The following KAT2B variants were observed in gnomAD, a reference collection of about 807,000 sequenced individuals.
KAT2B encodes histone acetyltransferase KAT2B.
KAT2B carries 36 observed loss-of-function variants against 105.9 expected under a neutral mutation model. That is an observed-to-expected ratio of 0.34 (90% confidence interval 0.26 to 0.45). KAT2B has a LOEUF of 0.45. Ranked by LOEUF, KAT2B falls within the 20% of genes least tolerant of loss-of-function variation. KAT2B has a pLI of 1.00. For synonymous variants in KAT2B, 397 were observed against 377.9 expected (o/e 1.05, Z -0.59); for missense variants, 820 against 1,021.6 (o/e 0.80, Z 2.69).
At chr3:20,096,564 A>T (rs1038893663) in intron 3 of KAT2B, among the ~76,000 whole-genome samples, 1 of 152,258 alleles carries the variant, frequency 6.6e-6, no homozygotes, top group Non-Finnish European at 1.5e-5. Flanking sequence ...CTCAGAGCTT[A>T]TGGGTAGGAA....
intron 2 of KAT2B, among the ~76,000 whole-genome samples, chr3:20,074,413 A>C (rs1431294281): frequency 6.6e-6 from 1 of 152,148 alleles, no homozygotes; most frequent in African/African-American, 2.4e-5. Context: ...CCTGGACCTC[A>C]GTTTTTTCAA....
chr3:20,059,159 T>C (rs991972643), intron 1 of KAT2B, among the ~76,000 whole-genome samples: 1 of 152,142 alleles, frequency 6.6e-6, no homozygotes, highest in Non-Finnish European at 1.5e-5. Flanking sequence ...ACACCTGTAA[T>C]CCCAGCACTT....
intron 5 of KAT2B, among the ~76,000 whole-genome samples, chr3:20,108,512 T>C (rs1330619810): frequency 6.6e-6 from 1 of 152,222 alleles, no homozygotes; most frequent in Non-Finnish European, 1.5e-5. Context: ...ACAGTAGTCC[T>C]TTAAGATTAT....
intron 11 of KAT2B, among the ~76,000 whole-genome samples, chr3:20,135,128 A>C (rs141976867): frequency 1.4e-4 from 21 of 152,280 alleles, no homozygotes; most frequent in African/African-American, 4.6e-4. Flanking sequence ...GAAATAGTTC[A>C]TTTGTGTTTT....
chr3:20,128,323 C>T (rs1393381799), intron 11 of KAT2B, among the ~76,000 whole-genome samples: 1 of 152,216 alleles, frequency 6.6e-6, no homozygotes, highest in African/African-American at 2.4e-5. Context: ...AGGCAGCTTA[C>T]ACTTCAGAAA....
rs200876804 is a variant in KAT2B, at chr3:20,122,635, C to A, written c.1277-33C>A. 4.8e-5 allele frequency: 75 copies of A among 1,570,728 alleles called. 1 individual carries two copies. The South Asian group carries it at 5.8e-4, about 12-fold the overall frequency. ...ATTATTTGTTTTGTGTTTAGAACCACCCATTGTTTGCCTTTTATTTTGATC... is the reference window on the plus strand; with the variant it reads ...ATTATTTGTTTTGTGTTTAGAACCAACCATTGTTTGCCTTTTATTTTGATC... On this transcript the variant is annotated intron_variant, in intron 8 of 17. Transcript: ENST00000263754.
chr3:20,063,729 G>A (rs1698178877), intron 1 of KAT2B, among the ~76,000 whole-genome samples: 1 of 150,854 alleles, frequency 6.6e-6, no homozygotes, highest in Non-Finnish European at 1.5e-5. Flanking sequence ...TTTTAGTAGT[G>A]ACAGGGTTTC....
rs78574503 is a variant in KAT2B at position 20,061,262 on chromosome 3, T to G, written c.304-11071T>G. ...CATTTTGTGACTATTTTACTTAGCATAACATTCTCAAGTTTCATTCAGGTT... is the reference window on the plus strand; with the variant it reads ...CATTTTGTGACTATTTTACTTAGCAGAACATTCTCAAGTTTCATTCAGGTT... On this transcript the variant is annotated intron_variant, in intron 1 of 17. Coordinates refer to ENST00000263754, the MANE Select transcript of KAT2B (RefSeq NM_003884.5). Among the ~76,000 whole-genome samples the G allele has an allele frequency of 5.3e-3, 800 of 152,322 alleles. 6 individuals carry two copies. The highest frequency in any genetic ancestry group is 0.018 in the African/African-American group (733 of 41,560).
chr3:20,069,816 ACT>A (rs1442711598), intron 1 of KAT2B, among the ~76,000 whole-genome samples: 1 of 152,190 alleles, frequency 6.6e-6, no homozygotes, highest in Non-Finnish European at 1.5e-5. Flanking sequence ...GGTGTGAGCC[ACT>A]GCGCCCGGCC....
At chr3:20,143,052 T>G (rs1480916151) in intron 13 of KAT2B, among the ~76,000 whole-genome samples, 1 of 152,128 alleles carries the variant, frequency 6.6e-6, no homozygotes, top group Non-Finnish European at 1.5e-5. Context: ...ATGCAATTTT[T>G]TTATAAGGAG....
chr3:20,089,879 A>T (rs1430554213), intron 2 of KAT2B, among the ~76,000 whole-genome samples: 1 of 151,764 alleles, frequency 6.6e-6, no homozygotes, highest in African/African-American at 2.4e-5. Context: ...GGGCATGGTT[A>T]CTCTTGCCTG....
chr3:20,152,707 A>C lies in KAT2B; in HGVS notation c.*182A>C. 2.1e-6 allele frequency: 1 copy of C among 475,468 alleles called. No homozygotes were observed. The highest frequency in any genetic ancestry group is 3.8e-6 in the Non-Finnish European group (1 of 266,310). The allele number at this position is 475,468 out of a possible 1,614,324, so 29.5% of individuals were successfully genotyped here. ...TCAGATATGTATTTAAATTGAAGTC[A>C]TAGGACATTTTTATTTTATGGAATA... On this transcript the variant is annotated 3_prime_UTR_variant, in exon 18 of 18. Coordinates refer to ENST00000263754, the MANE Select transcript of KAT2B (RefSeq NM_003884.5).
chr3:20,066,845 A>G, intron 1 of KAT2B, among the ~76,000 whole-genome samples: 1 of 152,066 alleles, frequency 6.6e-6, no homozygotes, highest in East Asian at 1.9e-4. Context: ...TATGTAATCA[A>G]TATAAAATAA....
chr3:20,136,287 A>G (rs1699597999), intron 11 of KAT2B, among the ~76,000 whole-genome samples: 1 of 152,204 alleles, frequency 6.6e-6, no homozygotes, highest in Non-Finnish European at 1.5e-5. Flanking sequence ...AAAACTTGAT[A>G]TTATAAAAAT....
chr3:20,120,747 A>G (rs1266849623), intron 8 of KAT2B, among the ~76,000 whole-genome samples: 1 of 152,128 alleles, frequency 6.6e-6, no homozygotes, highest in Non-Finnish European at 1.5e-5. Context: ...TCACAGTTAG[A>G]GAATGTTTTG....
At chr3:20,104,055 G>A (rs1034757691) in intron 5 of KAT2B, among the ~76,000 whole-genome samples, 7 of 152,200 alleles carry the variant, frequency 4.6e-5, no homozygotes, top group Non-Finnish European at 1.0e-4. Flanking sequence ...CACTGCCAAT[G>A]TGGAGCTTAT....
chr3:20,132,871 C>T (rs1699534792), intron 11 of KAT2B, among the ~76,000 whole-genome samples: 1 of 152,152 alleles, frequency 6.6e-6, no homozygotes. Context: ...CTATTAACTC[C>T]TTACAAGATG....
At chr3:20,099,771 G>T in intron 3 of KAT2B, 91 bp from the exon 4 acceptor site, 1 of 668,758 alleles carries the variant, frequency 1.5e-6, no homozygotes, top group Non-Finnish European at 2.7e-6. Context: ...GAGAGAGAGA[G>T]AGAGACAGAC....
At chr3:20,058,475 AG>A (rs1698040684) in intron 1 of KAT2B, among the ~76,000 whole-genome samples, 1 of 145,984 alleles carries the variant, frequency 6.9e-6, no homozygotes, top group South Asian at 2.2e-4. Context: ...AAAAAAAAAA[AG>A]GTTTTCAGAG....
Sources: allele counts gnomAD v4.1 joint callset (sites outside exome capture counted in the v4.1 genomes callset), GRCh38; gene constraint gnomAD v4.1.1; transcripts MANE v1.5; gene names NCBI Gene and HGNC (gene_info 2026-07-23, HGNC 2026-07-21).